KCTD16: variants seen among roughly 807,000 people sequenced by gnomAD.
The protein encoded by KCTD16 is potassium channel tetramerization domain containing 16, also known as BTB/POZ domain-containing protein KCTD16.
Under a neutral mutation model 33.2 loss-of-function variants are expected in KCTD16, and 13 were observed. The ratio of observed to expected loss-of-function variants is 0.39; its 90% confidence interval spans 0.25 to 0.62. The LOEUF is 0.62. Ranked by LOEUF, KCTD16 falls within the 20% of genes least tolerant of loss-of-function variation. The probability of loss-of-function intolerance (pLI) is 0.50; values close to 1 mark genes in which losing one functional copy is unlikely to be tolerated. For synonymous variants in KCTD16, 197 were observed against 195.3 expected (o/e 1.01, Z -0.07); for missense variants, 441 against 525.1 (o/e 0.84, Z 1.57).
intron 3 of KCTD16, among the ~76,000 whole-genome samples, chr5:144,375,229 T>G (rs546421561): frequency 6.6e-6 from 1 of 152,334 alleles, no homozygotes; most frequent in East Asian, 1.9e-4. Flanking sequence ...ACTAGCAAAC[T>G]GGTTGGAATA....
At chr5:144,243,829 C>T (rs940520281) in intron 3 of KCTD16, among the ~76,000 whole-genome samples, 5 of 152,036 alleles carry the variant, frequency 3.3e-5, no homozygotes, top group East Asian at 1.9e-4. Flanking sequence ...CTGCAACCTC[C>T]GCCTCCTGGG....
At chr5:144,299,136 ATATATATATATATT>A (rs1333966806) in intron 3 of KCTD16, among the ~76,000 whole-genome samples, 10 of 30,426 alleles carry the variant, frequency 3.3e-4, no homozygotes, top group South Asian at 1.1e-3. Context: ...ATATATATAT[ATATATATATATATT>A]TTTTTTTTTT....
At position 144,480,903 on chromosome 5, in the gene KCTD16, G is replaced by A. The variant is rs1754692980; in HGVS notation, c.*6789G>A. 1 of 151,580 alleles carries A rather than the reference G, an allele frequency of 6.6e-6. No individual in the cohort carries two copies. The highest frequency in any genetic ancestry group is 2.4e-5 in the African/African-American group (1 of 41,278). The allele number at this position is 151,580 out of a possible 1,614,324, so 9.4% of individuals were successfully genotyped here. ...GGGAAGTCTTCCAGGTCAATAAATA[G>A]GATAAAATAGAAAAATAAAAATCGG... On this transcript the variant is annotated 3_prime_UTR_variant, in exon 4 of 4. Transcript: ENST00000512467.
intron 3 of KCTD16, among the ~76,000 whole-genome samples, chr5:144,216,536 T>C (rs1280101251): frequency 6.6e-6 from 1 of 152,076 alleles, no homozygotes; most frequent in East Asian, 1.9e-4. Flanking sequence ...TTGAACATAA[T>C]TTGGTGGCAA....
At chr5:144,319,777 C>T (rs1752024659) in intron 3 of KCTD16, among the ~76,000 whole-genome samples, 1 of 152,100 alleles carries the variant, frequency 6.6e-6, no homozygotes, top group South Asian at 2.1e-4. Flanking sequence ...AACTGTGTTG[C>T]TTGAGTAAAA....
chr5:144,477,388 C>T lies in KCTD16; in HGVS notation c.*3274C>T, dbSNP rs942180753. On this transcript the variant is annotated 3_prime_UTR_variant, in exon 4 of 4. Coordinates refer to ENST00000512467, the MANE Select transcript of KCTD16 (RefSeq NM_020768.4). ...GGGGGAACAATGCACAAATAATAAG[C>T]GTTCCCTTTGCTCTTTATTCCTTTA... 4 of 152,090 alleles carry T rather than the reference C, an allele frequency of 2.6e-5. No homozygotes were observed. Among genetic ancestry groups the T allele is most frequent in the Admixed American group, 6.6e-5 (1 of 15,254 alleles). The allele number at this position is 152,090 out of a possible 1,614,324, so 9.4% of individuals were successfully genotyped here.
rs572540032 is a variant in KCTD16 at position 144,354,712 on chromosome 5, C to T, written c.833-118948C>T. Among the ~76,000 whole-genome samples, 128 of 152,192 alleles carry T rather than the reference C, an allele frequency of 8.4e-4. 1 individual carries two copies. The highest frequency in any genetic ancestry group is 3.0e-3 in the African/African-American group (125 of 41,524). On this transcript the variant is annotated intron_variant, in intron 3 of 3. Transcript: ENST00000512467. ...TTTGAGGGTTCCTGCTTTGCTGAGC[C>T]TGAGCATGTGTTCAGTCTATCTATT... is the stretch of plus-strand genomic sequence containing the variant.
chr5:144,391,810 G>C (rs1047291209), intron 3 of KCTD16, among the ~76,000 whole-genome samples: 5 of 152,218 alleles, frequency 3.3e-5, no homozygotes, highest in African/African-American at 1.2e-4. Context: ...TTAAATACCA[G>C]ATCAGCTGCT....
intron 3 of KCTD16, among the ~76,000 whole-genome samples, chr5:144,227,916 AT>A (rs1753984133): frequency 6.6e-6 from 1 of 152,248 alleles, no homozygotes; most frequent in African/African-American, 2.4e-5. Flanking sequence ...GTTACTGCTA[AT>A]CAAGATAAAG....
At chr5:144,364,514 C>T (rs913221013) in intron 3 of KCTD16, among the ~76,000 whole-genome samples, 1 of 152,150 alleles carries the variant, frequency 6.6e-6, no homozygotes, top group African/African-American at 2.4e-5. Context: ...TTTTATCGTA[C>T]TAGATTCTGA....
chr5:144,362,093 A>G (rs970072269), intron 3 of KCTD16, among the ~76,000 whole-genome samples: 2 of 152,174 alleles, frequency 1.3e-5, no homozygotes, highest in Admixed American at 1.3e-4. Context: ...TCATTAATTC[A>G]TCCATTCACT....
At chr5:144,440,764 T>C (rs775124860) in intron 3 of KCTD16, among the ~76,000 whole-genome samples, 15 of 152,140 alleles carry the variant, frequency 9.9e-5, no homozygotes, top group Admixed American at 7.9e-4. Flanking sequence ...TATTATACTT[T>C]AAGTTCTAGG....
intron 3 of KCTD16, among the ~76,000 whole-genome samples, chr5:144,231,524 T>C (rs555648967): frequency 6.6e-6 from 1 of 152,310 alleles, no homozygotes; most frequent in South Asian, 2.1e-4. Context: ...CTAGTGATAG[T>C]CTGTGATACT....
chr5:144,240,202 T>C (rs1754363942), intron 3 of KCTD16, among the ~76,000 whole-genome samples: 1 of 152,200 alleles, frequency 6.6e-6, no homozygotes, highest in Non-Finnish European at 1.5e-5. Context: ...TTTGCCACCA[T>C]ATTATGTCAC....
At chr5:144,426,948 CA>C (rs1188252220) in intron 3 of KCTD16, among the ~76,000 whole-genome samples, 2 of 152,148 alleles carry the variant, frequency 1.3e-5, no homozygotes, top group Non-Finnish European at 2.9e-5. Context: ...AGAACACATT[CA>C]AACCATATTA....
At chr5:144,236,167 G>A (rs562399754) in intron 3 of KCTD16, among the ~76,000 whole-genome samples, 68 of 152,238 alleles carry the variant, frequency 4.5e-4, no homozygotes, top group Non-Finnish European at 7.4e-4. Flanking sequence ...GTCTAGTGGA[G>A]ACAAAAACAT....
chr5:144,229,296 G>T (rs1438058128), intron 3 of KCTD16, among the ~76,000 whole-genome samples: 1 of 152,176 alleles, frequency 6.6e-6, no homozygotes, highest in Non-Finnish European at 1.5e-5. Context: ...ACAATGAAAA[G>T]ATATAGGACC....
intron 3 of KCTD16, among the ~76,000 whole-genome samples, chr5:144,344,688 T>C (rs1296363302): frequency 1.7e-4 from 25 of 150,794 alleles, no homozygotes; most frequent in African/African-American, 5.6e-4. Context: ...TGGCAATCAT[T>C]AAAAAGTCAG....
intron 3 of KCTD16, among the ~76,000 whole-genome samples, chr5:144,303,057 G>C (rs1751487377): frequency 6.6e-6 from 1 of 152,166 alleles, no homozygotes; most frequent in Non-Finnish European, 1.5e-5. Context: ...TTTGTTGAGT[G>C]TTTGGTTGTA....
Sources: allele counts gnomAD v4.1 joint callset (sites outside exome capture counted in the v4.1 genomes callset), GRCh38; gene constraint gnomAD v4.1.1; transcripts MANE v1.5; gene names NCBI Gene and HGNC (gene_info 2026-07-23, HGNC 2026-07-21).